MAGI2: variants seen among roughly 807,000 people sequenced by gnomAD.
MAGI2 encodes the protein membrane associated guanylate kinase, WW and PDZ domain containing 2, also known as membrane-associated guanylate kinase, WW and PDZ domain-containing protein 2.
In MAGI2, 35 loss-of-function variants were observed where a neutral mutation model predicts 133.3. That is an observed-to-expected ratio of 0.26 (90% CI 0.20 to 0.35). The LOEUF is 0.35. Ranked by LOEUF, MAGI2 falls within the 10% of genes least tolerant of loss-of-function variation. MAGI2 has a pLI of 1.00. For synonymous variants in MAGI2, 729 were observed against 710.6 expected (o/e 1.03, Z -0.41); for missense variants, 1,636 against 1,863.4 (o/e 0.88, Z 2.25).
intron 1 of MAGI2, among the ~76,000 whole-genome samples, chr7:79,035,620 G>A (rs1297426660): frequency 6.6e-6 from 1 of 152,098 alleles, no homozygotes; most frequent in African/African-American, 2.4e-5. Context: ...TTTGACTCAA[G>A]GATGATTATA....
At chr7:78,674,085 T>C (rs1398268389) in intron 2 of MAGI2, among the ~76,000 whole-genome samples, 1 of 152,180 alleles carries the variant, frequency 6.6e-6, no homozygotes, top group Non-Finnish European at 1.5e-5. Flanking sequence ...ACTGCTGATG[T>C]TGAGCAGTCA....
At chr7:78,392,151 C>T (rs1009738014) in intron 6 of MAGI2, among the ~76,000 whole-genome samples, 10 of 152,104 alleles carry the variant, frequency 6.6e-5, no homozygotes, top group Non-Finnish European at 1.3e-4. Context: ...AAAGTATCCA[C>T]GGGTAAAAGT....
At chr7:78,530,981 C>T (rs918824909) in intron 3 of MAGI2, among the ~76,000 whole-genome samples, 1 of 152,142 alleles carries the variant, frequency 6.6e-6, no homozygotes, top group African/African-American at 2.4e-5. Flanking sequence ...GCCTTTGGTG[C>T]TCCTCAAATC....
At chr7:78,673,905 T>C (rs577195212) in intron 2 of MAGI2, among the ~76,000 whole-genome samples, 18 of 152,300 alleles carry the variant, frequency 1.2e-4, no homozygotes, top group African/African-American at 3.1e-4. Context: ...ATTGTATAAG[T>C]GTTCTGACTA....
intron 2 of MAGI2, among the ~76,000 whole-genome samples, chr7:78,663,587 CA>C (rs1167221856): frequency 1.3e-5 from 2 of 152,122 alleles, no homozygotes. Context: ...GAGATGACCA[CA>C]AACTATTTTC....
intron 2 of MAGI2, among the ~76,000 whole-genome samples, chr7:78,974,946 A>T (rs551906485): frequency 6.6e-6 from 1 of 151,944 alleles, no homozygotes; most frequent in South Asian, 2.1e-4. Context: ...ATAGCATTAG[A>T]TAATGACAAT....
intron 2 of MAGI2, among the ~76,000 whole-genome samples, chr7:78,797,182 T>G (rs1016076759): frequency 6.6e-6 from 1 of 152,126 alleles, no homozygotes; most frequent in Non-Finnish European, 1.5e-5. Flanking sequence ...ATGATGGATA[T>G]GCCAATTACC....
chr7:78,114,135 C>T (rs1232138060), intron 20 of MAGI2, among the ~76,000 whole-genome samples: 1 of 152,130 alleles, frequency 6.6e-6, no homozygotes, highest in Non-Finnish European at 1.5e-5. Flanking sequence ...TTTACTAGCT[C>T]GTTATTTCCT....
At chr7:78,981,239 G>A (rs1804757606) in intron 2 of MAGI2, among the ~76,000 whole-genome samples, 1 of 151,366 alleles carries the variant, frequency 6.6e-6, no homozygotes, top group Admixed American at 6.6e-5. Context: ...TTTACCTAGT[G>A]TCTCCTTCTA....
intron 21 of MAGI2, among the ~76,000 whole-genome samples, chr7:78,038,218 T>G (rs1468150155): frequency 6.6e-6 from 1 of 152,196 alleles, no homozygotes; most frequent in African/African-American, 2.4e-5. Context: ...GGGCACATGT[T>G]AAGTGTTCAG....
intron 3 of MAGI2, among the ~76,000 whole-genome samples, chr7:78,546,572 TTGAC>T (rs1388704959): frequency 6.6e-6 from 1 of 152,168 alleles, no homozygotes; most frequent in Non-Finnish European, 1.5e-5. Flanking sequence ...AATTAAACAA[TTGAC>T]TGTGTTGATT....
At chr7:78,965,083 T>C (rs908264063) in intron 2 of MAGI2, among the ~76,000 whole-genome samples, 16 of 151,658 alleles carry the variant, frequency 1.1e-4, no homozygotes, top group African/African-American at 3.6e-4. Flanking sequence ...GAAATTAATA[T>C]ATTAACTAAT....
intron 2 of MAGI2, among the ~76,000 whole-genome samples, chr7:78,842,926 A>T (rs1321816122): frequency 1.3e-5 from 2 of 151,886 alleles, no homozygotes; most frequent in African/African-American, 4.8e-5. Context: ...ACACATGAGT[A>T]TCAACTTCAG....
intron 1 of MAGI2, among the ~76,000 whole-genome samples, chr7:79,279,135 G>C (rs1835442056): frequency 6.6e-6 from 1 of 152,170 alleles, no homozygotes; most frequent in South Asian, 2.1e-4. Flanking sequence ...TACTATCCCT[G>C]CTCTTTTTGA....
At chr7:78,681,558 T>A (rs1815662070) in intron 2 of MAGI2, among the ~76,000 whole-genome samples, 1 of 152,116 alleles carries the variant, frequency 6.6e-6, no homozygotes, top group African/African-American at 2.4e-5. Context: ...TAGAACCAAA[T>A]CTACATCTTT....
intron 2 of MAGI2, among the ~76,000 whole-genome samples, chr7:78,647,673 G>A (rs1368626689): frequency 1.3e-5 from 2 of 152,130 alleles, no homozygotes; most frequent in Non-Finnish European, 1.5e-5. Context: ...ATGAAATAAT[G>A]CTACTACAAA....
intron 9 of MAGI2, among the ~76,000 whole-genome samples, chr7:78,295,514 C>T (rs1268706381): frequency 6.6e-6 from 1 of 152,106 alleles, no homozygotes; most frequent in Non-Finnish European, 1.5e-5. Context: ...TCAGTATCAT[C>T]GCACATATAT....
chr7:78,672,550 A>G lies in MAGI2; in HGVS notation c.419-45311T>C, dbSNP rs544714762. Among the ~76,000 whole-genome samples, 4 of 152,330 alleles carry G rather than the reference A, an allele frequency of 2.6e-5. No individual in the cohort carries two copies. The South Asian group carries it at 8.3e-4, about 32-fold the overall frequency. On this transcript the variant is annotated intron_variant, in intron 2 of 21. Coordinates refer to ENST00000354212, the MANE Select transcript of MAGI2 (RefSeq NM_012301.4). ...CCATTCAACCAAGGATCTTTTTCCAAAATGGCTGGTTTCATCTATCTGAAT... is the reference window on the plus strand; with the variant it reads ...CCATTCAACCAAGGATCTTTTTCCAGAATGGCTGGTTTCATCTATCTGAAT...
chr7:79,205,756 G>GGT lies in MAGI2; in HGVS notation c.302-198552_302-198551dup, dbSNP rs113762722. 7.6e-3 allele frequency among the ~76,000 whole-genome samples: 1,121 copies of GGT among 148,062 alleles called. 11 individuals are homozygous for GGT. Among genetic ancestry groups the GGT allele is most frequent in the East Asian group, 0.016 (81 of 5,086 alleles). On this transcript the variant is annotated intron_variant, in intron 1 of 21. Transcript: ENST00000354212. ...CAAGAGTGGAGGAAAAATGTAGAGGGGTGTGTGTGTGTGTGTGTGTGTAAT... is the reference window on the plus strand; with the variant it reads ...CAAGAGTGGAGGAAAAATGTAGAGGGGTGTGTGTGTGTGTGTGTGTGTGTAAT...
Sources: gnomAD v4.1 joint callset for allele counts (sites outside exome capture counted in the v4.1 genomes callset) on GRCh38, gnomAD v4.1.1 for gene constraint, MANE v1.5 for transcripts, NCBI Gene and HGNC (gene_info 2026-07-23, HGNC 2026-07-21) for gene names.